The following ZNF385D variants were observed in gnomAD, a reference collection of about 807,000 sequenced individuals.
The protein encoded by ZNF385D is zinc finger protein 385D, also known as zinc finger protein 659.
In ZNF385D, 15 loss-of-function variants were observed where a neutral mutation model predicts 35.8. That is an observed-to-expected ratio of 0.42 (90% CI 0.28 to 0.64). The LOEUF is 0.64. Ranked by LOEUF, ZNF385D falls within the 30% of genes least tolerant of loss-of-function variation. The pLI, the probability that ZNF385D is intolerant of heterozygous loss-of-function variation, is 0.23. For missense variants in ZNF385D, 474 were observed against 494.6 expected, an observed-to-expected ratio of 0.96 and a Z score of 0.39; for synonymous variants, 212 against 186.8, an observed-to-expected ratio of 1.13 and a Z score of -1.10.
intron 2 of ZNF385D, among the ~76,000 whole-genome samples, chr3:22,356,157 T>C (rs2125504025): frequency 6.6e-6 from 1 of 152,084 alleles, no homozygotes; most frequent in East Asian, 1.9e-4. Flanking sequence ...TGTGTGGAGG[T>C]GGAAATCAAG....
chr3:22,155,350 A>T (rs571948499), intron 3 of ZNF385D, among the ~76,000 whole-genome samples: 1 of 152,192 alleles, frequency 6.6e-6, no homozygotes, highest in South Asian at 2.1e-4. Context: ...ATAGTCCCTG[A>T]TGCTTGTATT....
chr3:21,800,377 A>G (rs189118815), intron 3 of ZNF385D, among the ~76,000 whole-genome samples: 1 of 152,328 alleles, frequency 6.6e-6, no homozygotes, highest in East Asian at 1.9e-4. Flanking sequence ...CAATCCATTA[A>G]CATGGAATTT....
chr3:21,879,459 C>T (rs1407802989), intron 3 of ZNF385D, among the ~76,000 whole-genome samples: 5 of 152,022 alleles, frequency 3.3e-5, no homozygotes, highest in Admixed American at 1.3e-4. Context: ...ACACCTAATA[C>T]GAATAGCAAG....
intron 3 of ZNF385D, among the ~76,000 whole-genome samples, chr3:22,154,703 C>T (rs1379161938): frequency 6.6e-6 from 1 of 152,138 alleles, no homozygotes; most frequent in Non-Finnish European, 1.5e-5. Context: ...ATTCTGCCCA[C>T]CTCCTTTTAA....
At chr3:21,956,763 G>A (rs1702312998) in intron 3 of ZNF385D, among the ~76,000 whole-genome samples, 1 of 151,658 alleles carries the variant, frequency 6.6e-6, no homozygotes, top group Admixed American at 6.6e-5. Context: ...CAAAAAGATG[G>A]ATGCATGACT....
At chr3:21,999,252 A>G (rs188570002) in intron 3 of ZNF385D, among the ~76,000 whole-genome samples, 5 of 152,340 alleles carry the variant, frequency 3.3e-5, no homozygotes, top group Non-Finnish European at 7.3e-5. Flanking sequence ...TTTCACTGAC[A>G]AACATATTCT....
intron 2 of ZNF385D, among the ~76,000 whole-genome samples, chr3:21,636,947 GT>G (rs1299500087): frequency 6.6e-6 from 1 of 151,318 alleles, no homozygotes; most frequent in Non-Finnish European, 1.5e-5. Flanking sequence ...TGGTGGAATT[GT>G]TTTTTTTGTT....
intron 3 of ZNF385D, among the ~76,000 whole-genome samples, chr3:21,983,083 A>G (rs1335423623): frequency 6.6e-6 from 1 of 151,758 alleles, no homozygotes; most frequent in Non-Finnish European, 1.5e-5. Flanking sequence ...AGGTTTGGGT[A>G]TCAAGATGTT....
intron 3 of ZNF385D, among the ~76,000 whole-genome samples, chr3:21,954,780 G>C (rs1242649000): frequency 6.6e-6 from 1 of 152,048 alleles, no homozygotes; most frequent in Non-Finnish European, 1.5e-5. Flanking sequence ...AATAATGTTA[G>C]ACATCCCCAC....
At chr3:21,454,005 A>G (rs552693392) in intron 4 of ZNF385D, among the ~76,000 whole-genome samples, 28 of 152,272 alleles carry the variant, frequency 1.8e-4, no homozygotes, top group Admixed American at 7.9e-4. Flanking sequence ...AATAGAATAT[A>G]TATTCAATCA....
chr3:21,873,147 T>C (rs1277323189), intron 3 of ZNF385D, among the ~76,000 whole-genome samples: 2 of 152,134 alleles, frequency 1.3e-5, no homozygotes, highest in Non-Finnish European at 2.9e-5. Context: ...TACAGGTAGA[T>C]AGCTAGATGA....
intron 2 of ZNF385D, among the ~76,000 whole-genome samples, chr3:22,234,506 TTGTTTCATTC>T (rs1699069512): frequency 6.6e-6 from 1 of 152,036 alleles, no homozygotes; most frequent in African/African-American, 2.4e-5. Flanking sequence ...GTTCCTGAAC[TTGTTTCATTC>T]TTCTCTTTGA....
At chr3:22,002,357 T>C (rs1576127001) in intron 3 of ZNF385D, among the ~76,000 whole-genome samples, 1 of 151,898 alleles carries the variant, frequency 6.6e-6, no homozygotes. Flanking sequence ...ACAGATAAAT[T>C]CCCAGACTCA....
At chr3:21,915,869 C>T (rs997947399) in intron 3 of ZNF385D, among the ~76,000 whole-genome samples, 22 of 152,056 alleles carry the variant, frequency 1.4e-4, no homozygotes, top group Non-Finnish European at 2.1e-4. Context: ...TTACCAAACA[C>T]GGCAAAAATA....
chr3:21,641,949 T>C (rs978921828), intron 2 of ZNF385D, among the ~76,000 whole-genome samples: 4 of 152,134 alleles, frequency 2.6e-5, no homozygotes, highest in Non-Finnish European at 5.9e-5. Context: ...AGAAAAGGAC[T>C]ACCTGAAGGC....
rs918586006 is a variant in ZNF385D, at chr3:21,522,278, A to C, written c.277-11255T>G. Among the ~76,000 whole-genome samples the C allele has an allele frequency of 6.6e-5, 10 of 152,272 alleles. No individual in the cohort carries two copies. In the East Asian group the frequency reaches 1.9e-3, roughly 29 times the overall value. On this transcript the variant is annotated intron_variant, in intron 3 of 7. Coordinates refer to ENST00000281523, the MANE Select transcript of ZNF385D (RefSeq NM_024697.3). ...GGGGAAATCATCCAACTTCTTAAAT[A>C]ATGCTTTCCTCCCAGACTTAGAAAA... is the stretch of plus-strand genomic sequence containing the variant.
intron 3 of ZNF385D, among the ~76,000 whole-genome samples, chr3:22,059,493 G>A (rs1699582496): frequency 1.3e-5 from 2 of 152,174 alleles, no homozygotes; most frequent in African/African-American, 4.8e-5. Flanking sequence ...GATAAGCGAT[G>A]AGTGACAGAC....
At chr3:22,123,842 A>T (rs1476548903) in intron 3 of ZNF385D, among the ~76,000 whole-genome samples, 1 of 151,686 alleles carries the variant, frequency 6.6e-6, no homozygotes, top group Non-Finnish European at 1.5e-5. Context: ...AGCCTGGGCA[A>T]CAAGAGCAAA....
chr3:21,862,660 G>A (rs1368682865), intron 3 of ZNF385D, among the ~76,000 whole-genome samples: 4 of 152,106 alleles, frequency 2.6e-5, no homozygotes, highest in African/African-American at 9.7e-5. Context: ...GAGAACCAAT[G>A]GGCCTGGGAG....
Sources: allele counts gnomAD v4.1 joint callset (sites outside exome capture counted in the v4.1 genomes callset), GRCh38; gene constraint gnomAD v4.1.1; transcripts MANE v1.5; gene names NCBI Gene and HGNC (gene_info 2026-07-23, HGNC 2026-07-21).